Variants in ST18 observed in about 807,000 individuals in gnomAD.
ST18 encodes the protein suppression of tumorigenicity 18 protein.
A neutral mutation model predicts 110.0 loss-of-function variants in ST18; 50 were observed. The observed-to-expected ratio is 0.45, with a 90% CI of 0.36 to 0.58. The LOEUF is 0.58. Among genes scored for constraint, ST18 ranks in the 20% least tolerant of loss-of-function variants. The probability of loss-of-function intolerance (pLI) is 0.00; values close to 1 mark genes in which losing one functional copy is unlikely to be tolerated. For missense variants in ST18, 1,306 were observed against 1,280.1 expected (o/e 1.02, Z -0.31); for synonymous variants, 461 against 452.4 (o/e 1.02, Z -0.24).
rs556401122 is a variant in ST18, at chr8:52,301,212, C to T, written c.-464-71135G>A. On this transcript the variant is annotated intron_variant, in intron 2 of 25. Coordinates refer to ENST00000689386, the MANE Select transcript of ST18 (RefSeq NM_001352837.2). ...CAAATCAAATAATTCCTATTTAACTCCTTTGAGGAAAAAATTAGAAAAACA... is the reference window on the plus strand; with the variant it reads ...CAAATCAAATAATTCCTATTTAACTTCTTTGAGGAAAAAATTAGAAAAACA... 9.2e-5 allele frequency among the ~76,000 whole-genome samples: 14 copies of T among 152,208 alleles called. No individual in the cohort carries two copies. The South Asian group carries it at 2.9e-3, about 32-fold the overall frequency.
intron 2 of ST18, among the ~76,000 whole-genome samples, chr8:52,248,701 T>C (rs1159623262): frequency 6.6e-6 from 1 of 152,154 alleles, no homozygotes; most frequent in Non-Finnish European, 1.5e-5. Context: ...GAAGCTTTGA[T>C]TTTTTCCCAA....
intron 22 of ST18, among the ~76,000 whole-genome samples, chr8:52,130,554 C>T (rs1267826931): frequency 1.3e-5 from 2 of 152,214 alleles, no homozygotes; most frequent in Non-Finnish European, 2.9e-5. Context: ...GACAGATCTC[C>T]GGGTTCTCAT....
intron 2 of ST18, among the ~76,000 whole-genome samples, chr8:52,333,551 T>G (rs1439892071): frequency 6.6e-6 from 1 of 151,954 alleles, no homozygotes; most frequent in African/African-American, 2.4e-5. Flanking sequence ...GAGCAAATGA[T>G]AGAAAAAGGC....
At chr8:52,262,313 G>A (rs62499802) in intron 2 of ST18, among the ~76,000 whole-genome samples, 31,285 of 152,136 alleles carry the variant, frequency 0.21, 3,853 homozygotes, top group Middle Eastern at 0.38. Flanking sequence ...TTTGGGGTGC[G>A]CATTCAAACC....
chr8:52,172,082 T>C lies in ST18; in HGVS notation c.779A>G (p.Gln260Arg). The C allele has an allele frequency of 6.2e-7, 1 of 1,614,264 alleles. No individual in the cohort carries two copies. Among genetic ancestry groups the C allele is most frequent in the Middle Eastern group, 1.6e-4 (1 of 6,062 alleles). Reference sequence around the variant, plus strand: ...ATCCAGGGGTTCTGCGAGAGCATTCTGCGGGTCTTTCCTTTCTGTTTCAGA... The same window carrying C: ...ATCCAGGGGTTCTGCGAGAGCATTCCGCGGGTCTTTCCTTTCTGTTTCAGA... ...CDSETERKDP[Q>R]NALAEPLDGN... Residue 260 changes from glutamine (Q) to arginine (R), a missense_variant, in exon 10 of 26, where the codon CAG becomes CGG. Coordinates refer to ENST00000689386, the MANE Select transcript of ST18 (RefSeq NM_001352837.2).
chr8:52,266,400 A>G (rs1262935057), intron 2 of ST18, among the ~76,000 whole-genome samples: 1 of 152,106 alleles, frequency 6.6e-6, no homozygotes, highest in African/African-American at 2.4e-5. Context: ...ACTGCTAGTG[A>G]AATAGAGAGA....
At chr8:52,139,276 C>G (rs978413485) in intron 17 of ST18, among the ~76,000 whole-genome samples, 1 of 151,586 alleles carries the variant, frequency 6.6e-6, no homozygotes, top group Non-Finnish European at 1.5e-5. Context: ...CTGGGAATTC[C>G]CACTTTAGAA....
intron 2 of ST18, among the ~76,000 whole-genome samples, chr8:52,399,490 C>CT (rs146299328): frequency 0.029 from 4,144 of 144,892 alleles, 202 homozygotes; most frequent in African/African-American, 0.095. Flanking sequence ...AGTTGTTACT[C>CT]TTTTTTTTTT....
At chr8:52,172,705 A>T (rs540582099) in intron 9 of ST18, 122 bp from the exon 10 acceptor site, 1 of 661,824 alleles carries the variant, frequency 1.5e-6, no homozygotes, top group Admixed American at 3.3e-5. Flanking sequence ...ACATACATAT[A>T]TGTACACATA....
chr8:52,384,405 T>G (rs1835755151), intron 2 of ST18, among the ~76,000 whole-genome samples: 2 of 152,074 alleles, frequency 1.3e-5, no homozygotes, highest in African/African-American at 4.8e-5. Flanking sequence ...TCCCTCCTAC[T>G]AAGTCCTCCC....
chr8:52,372,626 G>C (rs945289119), intron 2 of ST18, among the ~76,000 whole-genome samples: 8 of 152,138 alleles, frequency 5.3e-5, no homozygotes, highest in Non-Finnish European at 8.8e-5. Context: ...CCTTTTCCAT[G>C]TTTAAATATG....
At chr8:52,113,823 T>C (rs1213614529) in intron 25 of ST18, among the ~76,000 whole-genome samples, 2 of 151,934 alleles carry the variant, frequency 1.3e-5, no homozygotes, top group Admixed American at 6.6e-5. Context: ...GATGGAAAAT[T>C]TTCCTCCTCC....
rs572258785 is a variant in ST18 at position 52,391,155 on chromosome 8, C to T, written c.-465+18173G>A. ...TCCTCCCTGTCCTACCAGGTGTCAG[C>T]GCCTCTGCTCTTTCACCCCCTTTCC... On this transcript the variant is annotated intron_variant, in intron 2 of 25. Transcript: ENST00000689386. Among the ~76,000 whole-genome samples, 3 of 152,322 alleles carry T rather than the reference C, an allele frequency of 2.0e-5. No homozygotes were observed. The East Asian group carries it at 5.8e-4, about 29-fold the overall frequency.
chr8:52,289,625 C>T lies in ST18; in HGVS notation c.-464-59548G>A, dbSNP rs556867899. 2.6e-5 allele frequency among the ~76,000 whole-genome samples: 4 copies of T among 152,298 alleles called. No individual in the cohort carries two copies. In the East Asian group the frequency reaches 7.7e-4, roughly 29 times the overall value. ...CTAGCAGGCCTGCTACTCTGGGCTCCTCCAGCTAATGTCATTCACTTCTTT... is the reference window on the plus strand; with the variant it reads ...CTAGCAGGCCTGCTACTCTGGGCTCTTCCAGCTAATGTCATTCACTTCTTT... On this transcript the variant is annotated intron_variant, in intron 2 of 25. Transcript: ENST00000689386.
At chr8:52,282,766 T>G (rs1589594613) in intron 2 of ST18, among the ~76,000 whole-genome samples, 1 of 151,854 alleles carries the variant, frequency 6.6e-6, no homozygotes, top group Non-Finnish European at 1.5e-5. Flanking sequence ...GTGAGGCTCG[T>G]ACAACACCTG....
chr8:52,124,769 C>T (rs1008842379), intron 23 of ST18, among the ~76,000 whole-genome samples: 2 of 152,046 alleles, frequency 1.3e-5, no homozygotes, highest in South Asian at 2.1e-4. Flanking sequence ...CCTCCTTTGG[C>T]GCTTAGAGGT....
chr8:52,201,344 G>A (rs892561115), intron 8 of ST18: 8 of 152,232 alleles, frequency 5.3e-5, no homozygotes, highest in Admixed American at 2.0e-4. Flanking sequence ...GTGAGTCTAG[G>A]AGTCTACTTC....
intron 6 of ST18, among the ~76,000 whole-genome samples, chr8:52,215,112 C>T (rs1031697632): frequency 8.5e-5 from 13 of 152,166 alleles, no homozygotes; most frequent in Non-Finnish European, 1.6e-4. Flanking sequence ...GCAGAAGGTG[C>T]GCTCAGTGGC....
intron 9 of ST18, among the ~76,000 whole-genome samples, chr8:52,177,364 C>T (rs1243564576): frequency 6.6e-6 from 1 of 152,240 alleles, no homozygotes; most frequent in Non-Finnish European, 1.5e-5. Flanking sequence ...TGACCTCAGT[C>T]TCTTCCTGAG....
Sources: allele counts gnomAD v4.1 joint callset (sites outside exome capture counted in the v4.1 genomes callset), GRCh38; gene constraint gnomAD v4.1.1; transcripts MANE v1.5; gene names NCBI Gene and HGNC (gene_info 2026-07-23, HGNC 2026-07-21).